MTMR3: variants seen among roughly 807,000 people sequenced by gnomAD.
MTMR3 encodes the protein myotubularin related protein 3, also known as phosphatidylinositol-3,5-bisphosphate 3-phosphatase MTMR3.
In MTMR3, 32 loss-of-function variants were observed where a neutral mutation model predicts 132.4. The ratio of observed to expected loss-of-function variants is 0.24; its 90% CI spans 0.18 to 0.32. MTMR3 has a LOEUF of 0.32. Ranked by LOEUF, MTMR3 falls within the 10% of genes least tolerant of loss-of-function variation. The pLI is 1.00. For missense variants in MTMR3, 1,216 were observed against 1,489.6 expected, an observed-to-expected ratio of 0.82 and a Z score of 3.02; for synonymous variants, 556 against 550.3, an observed-to-expected ratio of 1.01 and a Z score of -0.14.
chr22:29,989,183 C>T (rs1374316455), intron 6 of MTMR3: 1 of 152,164 alleles, frequency 6.6e-6, no homozygotes, highest in Non-Finnish European at 1.5e-5. Flanking sequence ...CATTTAGCTG[C>T]CATGACTCTG....
At chr22:30,025,248 C>G (rs1268024213) in intron 19 of MTMR3, 1 of 196,900 alleles carries the variant, frequency 5.1e-6, no homozygotes, top group Non-Finnish European at 1.0e-5. Flanking sequence ...CCTCTGTGAT[C>G]ACAAGCTACA....
chr22:29,990,869 C>T, intron 6 of MTMR3: 1 of 152,226 alleles, frequency 6.6e-6, no homozygotes, highest in East Asian at 1.9e-4. Flanking sequence ...CAGGCATGAG[C>T]CACTGCACTC....
At chr22:29,979,108 A>C in intron 5 of MTMR3, 56 bp downstream of exon 5, 1 of 1,163,342 alleles carries the variant, frequency 8.6e-7, no homozygotes, top group Non-Finnish European at 1.3e-6. Context: ...TAAGTCAAAA[A>C]ACTTAATGCT....
At chr22:29,902,764 G>A (rs1461147209) in intron 1 of MTMR3, among the ~76,000 whole-genome samples, 3 of 152,104 alleles carry the variant, frequency 2.0e-5, no homozygotes, top group Non-Finnish European at 2.9e-5. Context: ...CCCCCAAGAT[G>A]GCTGGAGGTA....
intron 2 of MTMR3, among the ~76,000 whole-genome samples, chr22:29,966,465 G>C (rs1309272070): frequency 1.3e-5 from 2 of 151,860 alleles, no homozygotes; most frequent in African/African-American, 4.8e-5. Context: ...TAAAGAATAG[G>C]GGTTATTTTC....
At chr22:29,939,224 A>G (rs189286495) in intron 1 of MTMR3, among the ~76,000 whole-genome samples, 7 of 152,324 alleles carry the variant, frequency 4.6e-5, no homozygotes, top group South Asian at 2.1e-4. Context: ...CTGTTTTACA[A>G]TGGTATTTTT....
At chr22:30,021,017 AAG>A in intron 17 of MTMR3, 133 bp downstream of exon 17, 1 of 920,820 alleles carries the variant, frequency 1.1e-6, no homozygotes, top group Non-Finnish European at 1.6e-6. Flanking sequence ...TAGCCCTGTT[AAG>A]AGAGGCTGGA....
chr22:29,968,303 A>G (rs1342029825), intron 2 of MTMR3, among the ~76,000 whole-genome samples: 7 of 152,216 alleles, frequency 4.6e-5, no homozygotes, highest in Non-Finnish European at 4.4e-5. Flanking sequence ...TGCAAAATGC[A>G]TTAAATTCAC....
intron 9 of MTMR3, chr22:30,004,872 A>G (rs17646919): frequency 0.053 from 8,103 of 152,362 alleles, 311 homozygotes; most frequent in Non-Finnish European, 0.079. Context: ...AGATTGGGTC[A>G]TGATTCCTGA....
At position 30,028,391 on chromosome 22, in the gene MTMR3, CCTCT is replaced by C. The variant is rs1234107592; in HGVS notation, c.*2594_*2597del. On this transcript the variant is annotated 3_prime_UTR_variant, in exon 20 of 20. Transcript: ENST00000401950. Reference sequence around the variant, plus strand: ...AGTCAACTAGAGGTCTCCTTCCCGCCCTCTCTCCACACAGAGAGGAACCTCTGCT... The same window carrying C: ...AGTCAACTAGAGGTCTCCTTCCCGCCCTCCACACAGAGAGGAACCTCTGCT... The C allele has an allele frequency of 6.6e-6, 1 of 152,486 alleles. No individual in the cohort carries two copies. The highest frequency in any genetic ancestry group is 2.1e-4 in the South Asian group (1 of 4,830). The allele number at this position is 152,486 out of a possible 1,614,324, so 9.4% of individuals were successfully genotyped here.
intron 1 of MTMR3, among the ~76,000 whole-genome samples, chr22:29,908,962 T>TTTTTCTTTTCTTTTCTTTTCTTTTC (rs200894829): frequency 6.9e-6 from 1 of 145,722 alleles, no homozygotes; most frequent in African/African-American, 2.5e-5. Flanking sequence ...AATATGTTAA[T>TTTTTCTTTTCTTTTCTTTTCTTTTC]TTTTCTTTTC....
At chr22:29,987,035 C>G (rs2066873419) in intron 5 of MTMR3, 1 of 152,208 alleles carries the variant, frequency 6.6e-6, no homozygotes, top group African/African-American at 2.4e-5. Flanking sequence ...GCCACCGTAT[C>G]CGGCCAAGAT....
Position 30,020,748 on chromosome 22 carries a change from G to T in MTMR3, c.3089G>T (p.Arg1030Leu), listed in dbSNP as rs759430144. ...GTGTACACAGACACGATCCAACAGCGCCTGCGTCAGATTGAGTCAGGCCAC... is the reference window on the plus strand; with the variant it reads ...GTGTACACAGACACGATCCAACAGCTCCTGCGTCAGATTGAGTCAGGCCAC... The part of the protein sequence containing the change: ...MSVYTDTIQQ[R>L]LRQIESGHQQ... The change falls in exon 17 of 20, where the codon CGC (arginine) becomes CTC (leucine). Residue 1030 changes from arginine (R) to leucine (L), a missense_variant. Arg to Leu is a moderately radical substitution (Grantham distance 102). Transcript: ENST00000401950. The T allele has an allele frequency of 6.2e-7, 1 of 1,614,084 alleles. No homozygotes were observed. The highest frequency in any genetic ancestry group is 8.5e-7 in the Non-Finnish European group (1 of 1,180,054).
intron 1 of MTMR3, among the ~76,000 whole-genome samples, chr22:29,928,852 C>T (rs2065581292): frequency 1.3e-5 from 2 of 151,966 alleles, no homozygotes; most frequent in Admixed American, 6.6e-5. Flanking sequence ...ATATTTGCGC[C>T]GACTTTGTTG....
At position 30,025,707 on chromosome 22, in the gene MTMR3, G is replaced by A; in HGVS notation, c.3503G>A (p.Ser1168Asn). 6.2e-7 allele frequency: 1 copy of A among 1,614,180 alleles called. No homozygotes were observed. The highest frequency in any genetic ancestry group is 1.1e-5 in the South Asian group (1 of 91,082). The change falls in exon 20 of 20, where the codon AGT becomes AAT. Residue 1168 changes from serine to asparagine, a missense_variant. By Grantham distance (46) the Ser-to-Asn change is conservative. This residue lies in a region of MTMR3 where 852 missense variants were observed against 852.0 expected (regional missense o/e 1.00). Coordinates refer to ENST00000401950, the MANE Select transcript of MTMR3 (RefSeq NM_021090.4). The part of the protein sequence containing the change: ...PVPSQQLFEP[S>N]RVCKSCYSSL... ...CCCAGCCAGCAGCTCTTTGAACCCA[G>A]TCGAGTATGCAAGTCTTGCTATAGC...
chr22:29,906,684 T>C (rs967354174), intron 1 of MTMR3, among the ~76,000 whole-genome samples: 1 of 152,184 alleles, frequency 6.6e-6, no homozygotes, highest in African/African-American at 2.4e-5. Flanking sequence ...CATTACTTTA[T>C]TCAGAGCTAG....
intron 3 of MTMR3, 49 bp downstream of exon 3, chr22:29,971,111 C>A (rs760196860): frequency 6.4e-7 from 1 of 1,561,886 alleles, no homozygotes; most frequent in Non-Finnish European, 8.6e-7. Flanking sequence ...AACCCTGTGT[C>A]CTGACAATTA....
intron 2 of MTMR3, among the ~76,000 whole-genome samples, chr22:29,963,045 C>G (rs113375883): frequency 3.2e-4 from 49 of 151,954 alleles, no homozygotes; most frequent in African/African-American, 1.1e-3. Context: ...TTCAGCCTCC[C>G]GAGTAGCTGG....
At position 29,895,923 on chromosome 22, in the gene MTMR3, C is replaced by T. The variant is rs184141838; in HGVS notation, c.-138+12564C>T. Among the ~76,000 whole-genome samples the T allele has an allele frequency of 5.9e-5, 9 of 152,270 alleles. No individual in the cohort carries two copies. The East Asian group carries it at 1.2e-3, about 20-fold the overall frequency. On this transcript the variant is annotated intron_variant, in intron 1 of 19. Transcript: ENST00000401950. Reference sequence around the variant, plus strand: ...ATCACAATCCAACCAAGAAATGGTTCGTCGTCGTTACGTAGAATAAGAGAA... The same window carrying T: ...ATCACAATCCAACCAAGAAATGGTTTGTCGTCGTTACGTAGAATAAGAGAA...
Sources: gnomAD v4.1 joint callset for allele counts (sites outside exome capture counted in the v4.1 genomes callset) on GRCh38, gnomAD v4.1.1 for gene constraint, gnomAD v4.1.1 regional missense constraint, MANE v1.5 for transcripts, NCBI Gene and HGNC (gene_info 2026-07-23, HGNC 2026-07-21) for gene names.